SPATA16: variants seen among roughly 807,000 people sequenced by gnomAD.
SPATA16 encodes spermatogenesis associated 16.
In SPATA16, 36 loss-of-function variants were observed where a neutral mutation model predicts 63.3. The ratio of observed to expected loss-of-function variants is 0.57; its 90% CI spans 0.44 to 0.75. The LOEUF is 0.75. Ranked by LOEUF, SPATA16 falls within the 30% of genes least tolerant of loss-of-function variation. SPATA16 has a pLI of 0.00. For synonymous variants in SPATA16, 203 were observed against 216.7 expected (o/e 0.94, Z 0.56); for missense variants, 646 against 679.3 (o/e 0.95, Z 0.54).
At chr3:173,084,456 C>T (rs747353472) in intron 2 of SPATA16, among the ~76,000 whole-genome samples, 1 of 152,128 alleles carries the variant, frequency 6.6e-6, no homozygotes, top group Non-Finnish European at 1.5e-5. Context: ...AATTTTCTCC[C>T]ATTCTGTAGG....
chr3:173,055,834 A>C (rs569758246), intron 2 of SPATA16, among the ~76,000 whole-genome samples: 1 of 152,312 alleles, frequency 6.6e-6, no homozygotes, highest in East Asian at 1.9e-4. Flanking sequence ...CTCTGGGAGA[A>C]ACTGCATAAA....
intron 3 of SPATA16, among the ~76,000 whole-genome samples, chr3:173,040,458 T>C (rs1735814379): frequency 6.6e-6 from 1 of 152,122 alleles, no homozygotes; most frequent in Admixed American, 6.6e-5. Flanking sequence ...GATTTAAAAG[T>C]TGTGTTGTGT....
At chr3:173,120,116 GA>G (rs1738022445) in intron 1 of SPATA16, among the ~76,000 whole-genome samples, 1 of 151,474 alleles carries the variant, frequency 6.6e-6, no homozygotes, top group Admixed American at 6.6e-5. Context: ...GAGAAAAAAA[GA>G]AAGAAACATT....
chr3:173,101,520 C>G (rs949612047), intron 2 of SPATA16, among the ~76,000 whole-genome samples: 2 of 152,196 alleles, frequency 1.3e-5, no homozygotes, highest in Non-Finnish European at 2.9e-5. Flanking sequence ...ATATATTCTA[C>G]TGTTGCTAAC....
At chr3:172,894,489 T>G (rs1438640708) in intron 10 of SPATA16, among the ~76,000 whole-genome samples, 1 of 19,106 alleles carries the variant, frequency 5.2e-5, no homozygotes. Context: ...TTACAAAACA[T>G]GCAAAAAAAA....
In SPATA16 at chr3:173,062,117, G is replaced by C. The variant is rs11718501; in HGVS notation, c.613-13023C>G. 1.7e-3 allele frequency among the ~76,000 whole-genome samples: 210 copies of C among 125,214 alleles called. No homozygotes were observed. The Middle Eastern group carries it at 0.017, about 10-fold the overall frequency. The allele number at this position is 125,214 out of a possible 152,430, so 82.1% of individuals were successfully genotyped here. The stretch of plus-strand genomic sequence containing the variant: ...GTGGCCACCGTGGGTTCATTCCACT[G>C]TTTTTTACCTTGATCTGACCAACTA... On this transcript the variant is annotated intron_variant, in intron 2 of 10. Coordinates refer to ENST00000351008, the MANE Select transcript of SPATA16 (RefSeq NM_031955.6).
intron 1 of SPATA16, among the ~76,000 whole-genome samples, chr3:173,126,686 A>C (rs576606377): frequency 1.6e-4 from 24 of 152,338 alleles, no homozygotes; most frequent in African/African-American, 5.8e-4. Context: ...GAATCTTTCA[A>C]AATACTCTAA....
intron 2 of SPATA16, among the ~76,000 whole-genome samples, chr3:173,085,357 G>C (rs144850762): frequency 0.12 from 18,025 of 152,100 alleles, 1,203 homozygotes; most frequent in East Asian, 0.25. Context: ...TTTGCACATT[G>C]ATTTTGTATC....
chr3:172,928,661 C>T (rs192113114), intron 6 of SPATA16, among the ~76,000 whole-genome samples: 20 of 152,200 alleles, frequency 1.3e-4, no homozygotes, highest in African/African-American at 3.1e-4. Flanking sequence ...GGAATAGAAA[C>T]GAGTATCAGT....
chr3:173,038,679 A>G (rs1735772289), intron 3 of SPATA16, among the ~76,000 whole-genome samples: 1 of 152,102 alleles, frequency 6.6e-6, no homozygotes, highest in African/African-American at 2.4e-5. Flanking sequence ...ATAAGCATTA[A>G]ATAGACCAGC....
At chr3:173,085,931 G>C (rs766463266) in intron 2 of SPATA16, among the ~76,000 whole-genome samples, 15 of 152,098 alleles carry the variant, frequency 9.9e-5, no homozygotes, top group Middle Eastern at 3.4e-3. Context: ...ATTTTATTGA[G>C]GATTTTTGGA....
At chr3:172,939,041 G>C (rs1733081016) in intron 6 of SPATA16, among the ~76,000 whole-genome samples, 1 of 152,056 alleles carries the variant, frequency 6.6e-6, no homozygotes, top group African/African-American at 2.4e-5. Flanking sequence ...AAATTAAAAA[G>C]TCTTTAAATC....
At chr3:173,088,018 C>CTT (rs1228717792) in intron 2 of SPATA16, among the ~76,000 whole-genome samples, 6 of 88,152 alleles carry the variant, frequency 6.8e-5, no homozygotes, top group Non-Finnish European at 7.1e-5. Context: ...GTCTTTCTTT[C>CTT]TTTCTTTCTT....
In SPATA16 at chr3:173,007,086, C is replaced by CA. The variant is rs1183392410; in HGVS notation, c.848+12399dup. Among the ~76,000 whole-genome samples, 6 of 152,204 alleles carry CA rather than the reference C, an allele frequency of 3.9e-5. 1 individual carries two copies. Among genetic ancestry groups the CA allele is most frequent in the African/African-American group, 1.4e-4 (6 of 41,544 alleles). Reference sequence around the variant, plus strand: ...TCCAGAGAGCAGGTTTCAAATATCTCAAACTCAGAGTGTCAAAATAAAATA... The same window carrying CA: ...TCCAGAGAGCAGGTTTCAAATATCTCAAAACTCAGAGTGTCAAAATAAAATA... On this transcript the variant is annotated intron_variant, in intron 4 of 10. Transcript: ENST00000351008.
At chr3:173,138,481 T>C (rs1738614618) in intron 1 of SPATA16, among the ~76,000 whole-genome samples, 1 of 152,214 alleles carries the variant, frequency 6.6e-6, no homozygotes. Context: ...CTGTAAGATA[T>C]TAATCTTCCT....
intron 3 of SPATA16, among the ~76,000 whole-genome samples, chr3:173,024,813 C>A (rs1448417989): frequency 6.6e-6 from 1 of 150,518 alleles, no homozygotes; most frequent in African/African-American, 2.4e-5. Context: ...TATTTGTCCT[C>A]TCTGAAATTT....
intron 2 of SPATA16, among the ~76,000 whole-genome samples, chr3:173,080,426 G>C (rs1335027706): frequency 2.0e-5 from 3 of 150,328 alleles, no homozygotes; most frequent in African/African-American, 7.5e-5. Context: ...ATGTTGAAAC[G>C]CCACAATGCT....
chr3:172,894,210 T>C (rs543565581), intron 10 of SPATA16, among the ~76,000 whole-genome samples: 2 of 152,328 alleles, frequency 1.3e-5, no homozygotes, highest in East Asian at 3.9e-4. Context: ...ATATTTATCA[T>C]CCAAAATGGT....
chr3:172,980,519 C>T (rs921517498), intron 4 of SPATA16, among the ~76,000 whole-genome samples: 1 of 152,262 alleles, frequency 6.6e-6, no homozygotes, highest in Non-Finnish European at 1.5e-5. Context: ...TTTTAACTGA[C>T]GATCGGCGGC....
Sources: allele counts gnomAD v4.1 joint callset (sites outside exome capture counted in the v4.1 genomes callset), GRCh38; gene constraint gnomAD v4.1.1; transcripts MANE v1.5; gene names NCBI Gene and HGNC (gene_info 2026-07-23, HGNC 2026-07-21).